The following MALAT1 variants were observed in gnomAD, a reference collection of about 807,000 sequenced individuals.
The protein encoded by MALAT1 is metastasis associated lung adenocarcinoma transcript 1.
rs761474124 is a variant in MALAT1 at position 65,501,400 on chromosome 11, G to T, written n.2663G>T. ...TAGAAACTAGAGCAGTTCTCACGTT[G>T]AGGTCTGTGGAAGAGATGTCCATTG... On this transcript the variant is annotated non_coding_transcript_exon_variant, in exon 3 of 4. Transcript: ENST00000619449. 1.2e-5 allele frequency: 6 copies of T among 518,096 alleles called. No individual in the cohort carries two copies. The East Asian group carries it at 3.3e-4, about 28-fold the overall frequency. 32.1% of individuals were successfully genotyped at this position (518,096 alleles called of 1,614,324 possible). A position where few individuals can be genotyped will look rare whatever the true frequency, so the allele number is the denominator to read the frequency against.
chr11:65,500,799 C>T (rs374225168), exon 3 of MALAT1: 4 of 518,738 alleles, frequency 7.7e-6, no homozygotes, highest in Admixed American at 5.8e-5. Context: ...TGTTGTTTTT[C>T]TGGAACTTAC....
At chr11:65,499,984 GA>G (rs397848949) in exon 3 of MALAT1, 1 of 425,600 alleles carries the variant, frequency 2.3e-6, no homozygotes, top group Non-Finnish European at 4.6e-6. Context: ...AAATAGCACT[GA>G]AAAAATGAGG....
exon 3 of MALAT1, chr11:65,503,544 C>G (rs1248661241): frequency 3.9e-6 from 2 of 518,346 alleles, no homozygotes; most frequent in Non-Finnish European, 7.7e-6. Context: ...TCAGATGTTA[C>G]TGCTAAAATT....
chr11:65,504,901 A>G (rs775470615), intron 3 of MALAT1: 1 of 518,926 alleles, frequency 1.9e-6, no homozygotes, highest in Admixed American at 1.9e-5. Context: ...CTTTAAATAA[A>G]CCAAACATTC....
At chr11:65,504,241 C>T in intron 3 of MALAT1, 3 of 515,356 alleles carry the variant, frequency 5.8e-6, no homozygotes, top group Non-Finnish European at 1.2e-5. Flanking sequence ...AGTTTATCAG[C>T]ATACTCAAAA....
intron 1 of MALAT1, chr11:65,498,082 C>T (rs529051705): frequency 1.9e-6 from 1 of 518,970 alleles, no homozygotes; most frequent in Middle Eastern, 3.2e-4. Flanking sequence ...AAGCTCATAC[C>T]TAACCAGGCA....
chr11:65,501,294 A>G (rs748681073), exon 3 of MALAT1: 2 of 518,518 alleles, frequency 3.9e-6, no homozygotes, highest in South Asian at 2.8e-5. Context: ...CTAGAATCCT[A>G]AAGGCAAATG....
exon 3 of MALAT1, chr11:65,499,525 C>T (rs755868011): frequency 2.0e-5 from 9 of 460,172 alleles, no homozygotes; most frequent in African/African-American, 1.4e-4. Context: ...GATTAAAAGA[C>T]CTTGAAATCC....
chr11:65,499,940 G>A (rs1238153260), exon 3 of MALAT1: 1 of 434,294 alleles, frequency 2.3e-6, no homozygotes, highest in Non-Finnish European at 4.5e-6. Context: ...GAGAAGTATA[G>A]AAGATAGAAA....
chr11:65,498,941 A>G (rs778932992), intron 2 of MALAT1: 2 of 518,906 alleles, frequency 3.9e-6, no homozygotes, highest in Non-Finnish European at 7.7e-6. Context: ...TTTTAACCGA[A>G]GAACTACTTT....
At chr11:65,501,533 G>T (rs751856249) in exon 3 of MALAT1, 1 of 518,844 alleles carries the variant, frequency 1.9e-6, no homozygotes, top group Non-Finnish European at 3.8e-6. Flanking sequence ...TTTTGGGATG[G>T]TCTTAACAGG....
At chr11:65,501,936 A>G (rs376421038) in exon 3 of MALAT1, 4 of 517,790 alleles carry the variant, frequency 7.7e-6, no homozygotes, top group African/African-American at 5.8e-5. Context: ...ATGATTGCAG[A>G]TAAACTCATG....
exon 3 of MALAT1, chr11:65,501,798 G>A (rs1422549772): frequency 1.9e-6 from 1 of 518,680 alleles, no homozygotes; most frequent in Non-Finnish European, 3.9e-6. Flanking sequence ...AAATGTTGAA[G>A]TTAAGTTTTC....
exon 3 of MALAT1, chr11:65,500,389 G>C (rs1481809176): frequency 1.9e-6 from 1 of 518,926 alleles, no homozygotes; most frequent in Non-Finnish European, 3.8e-6. Context: ...TTAATTGACA[G>C]CTGACCCAGG....
chr11:65,499,467 TTAAAA>T (rs1854487953), exon 3 of MALAT1: 1 of 465,526 alleles, frequency 2.1e-6, no homozygotes, highest in Non-Finnish European at 4.3e-6. Flanking sequence ...TTGTAGGTGA[TTAAAA>T]TAATTTGAAG....
At chr11:65,500,950 G>A (rs1009073228) in exon 3 of MALAT1, 1 of 511,816 alleles carries the variant, frequency 2.0e-6, no homozygotes, top group Non-Finnish European at 3.9e-6. Flanking sequence ...AATCTTGTCT[G>A]AAGCTTTTGA....
chr11:65,499,613 T>C (rs1403537681), exon 3 of MALAT1: 1 of 450,374 alleles, frequency 2.2e-6, no homozygotes, highest in Non-Finnish European at 4.4e-6. Context: ...AAAGATTAAT[T>C]GGGAGTGGTA....
intron 3 of MALAT1, chr11:65,505,197 C>T (rs930847518): frequency 1.9e-6 from 1 of 518,530 alleles, no homozygotes; most frequent in Non-Finnish European, 3.8e-6. Context: ...GTACCCCTCA[C>T]TAAAGGCACC....
chr11:65,499,040 GC>G (rs1854472476), exon 3 of MALAT1: 1 of 518,382 alleles, frequency 1.9e-6, no homozygotes, highest in Non-Finnish European at 3.9e-6. Context: ...CCCGAGCTGT[GC>G]GGTAGGCATT....
Sources: allele counts gnomAD v4.1 joint callset, GRCh38; gene constraint gnomAD v4.1.1; transcripts MANE v1.5; gene names NCBI Gene and HGNC (gene_info 2026-07-23, HGNC 2026-07-21).